NUDT5: variants seen among roughly 807,000 people sequenced by gnomAD.
NUDT5 encodes nudix hydrolase 5.
NUDT5 carries 21 observed loss-of-function variants against 34.1 expected under a neutral mutation model. The observed-to-expected ratio is 0.62, with a 90% CI of 0.44 to 0.89. The LOEUF is 0.89. NUDT5 is among the 40% of genes least tolerant of loss of function. NUDT5 has a pLI of 0.00. For missense variants in NUDT5, 249 were observed against 274.8 expected (o/e 0.91, Z 0.66); for synonymous variants, 85 against 97.6 (o/e 0.87, Z 0.76).
Position 12,172,779 on chromosome 10 carries a change from G to C in NUDT5, c.473C>G (p.Pro158Arg), listed in dbSNP as rs1302940524. 1.2e-6 allele frequency: 2 copies of C among 1,613,892 alleles called. No homozygotes were observed. Among genetic ancestry groups the C allele is most frequent in the South Asian group, 1.1e-5 (1 of 91,076 alleles). Residue 158 changes from proline to arginine, a missense_variant, in exon 7 of 10, where the codon CCG becomes CGG. Physicochemically the swap from Pro to Arg is moderately radical, Grantham distance 103 (BLOSUM62 -2). Transcript: ENST00000491614. ...CACACACATACCTGGCTTTGGCTTC[G>C]GCCTTGCGTTTTCGGCATCATCTCC... is the stretch of plus-strand genomic sequence containing the variant. ...INGDDAENAR[P>R]KPKPGDGEFV...
rs777853231 is a variant in NUDT5 at position 12,170,702 on chromosome 10, C to A, written c.550+15G>T. The stretch of plus-strand genomic sequence containing the variant: ...AGAACTGGAGAAACTGGGTGGCGGT[C>A]TGGAGAATGCTTACCATCAAGTCTC... On this transcript the variant is annotated intron_variant, in intron 9 of 9. Transcript: ENST00000491614. The surrounding 1 kb of genome is among the most constrained non-coding windows in gnomAD (Gnocchi z 4.9). 1 of 1,612,798 alleles carries A rather than the reference C, an allele frequency of 6.2e-7. No homozygotes were observed. Among genetic ancestry groups the A allele is most frequent in the African/African-American group, 1.3e-5 (1 of 75,028 alleles).
At position 12,165,473 on chromosome 10, in the gene NUDT5, AAAGTCAAAT is replaced by A; in HGVS notation, c.*2220_*2228del. 1.8e-6 allele frequency: 1 copy of A among 551,700 alleles called. No individual in the cohort carries two copies. Among genetic ancestry groups the A allele is most frequent in the Non-Finnish European group, 2.3e-6 (1 of 434,096 alleles). The allele number at this position is 551,700 out of a possible 1,614,324, so 34.2% of individuals were successfully genotyped here. On this transcript the variant is annotated 3_prime_UTR_variant, in exon 10 of 10. Coordinates refer to ENST00000491614, the MANE Select transcript of NUDT5 (RefSeq NM_014142.4). ...AGAAGTCCACCCTGAGATGCCTGTAAAAGTCAAATGTAATTACACTTCAAACTTTAATCC... is the reference window on the plus strand; with the variant it reads ...AGAAGTCCACCCTGAGATGCCTGTAAGTAATTACACTTCAAACTTTAATCC...
intron 1 of NUDT5, among the ~76,000 whole-genome samples, chr10:12,192,996 A>G (rs1202174546): frequency 1.0e-5 from 1 of 98,428 alleles, no homozygotes; most frequent in African/African-American, 4.2e-5. Context: ...GGGAGTAATT[A>G]ACGTTTACTG....
Position 12,172,848 on chromosome 10 carries a change from C to T in NUDT5, c.404G>A (p.Gly135Asp), listed in dbSNP as rs1253288868. The change falls in exon 7 of 10, where the codon GGC (glycine) becomes GAC (aspartate). Residue 135 changes from glycine to aspartate, a missense_variant. Transcript: ENST00000491614. ...GATGTGTATAGTACAGTTTGACAAG[C>T]CTGGGTCCATACAGACCGCTGTGGA... ...ECSPAVCMDP[G>D]LSNCTIHIVT... is the part of the protein sequence containing the mutation. 3 of 1,614,114 alleles carry T rather than the reference C, an allele frequency of 1.9e-6. No individual in the cohort carries two copies. Among genetic ancestry groups the T allele is most frequent in the East Asian group, 2.2e-5 (1 of 44,890 alleles).
rs1225344821 is a variant in NUDT5, at chr10:12,167,348, G to A, written c.*354C>T. 1 of 186,476 alleles carries A rather than the reference G, an allele frequency of 5.4e-6. No homozygotes were observed. Among genetic ancestry groups the A allele is most frequent in the Non-Finnish European group, 1.1e-5 (1 of 88,624 alleles). The allele number at this position is 186,476 out of a possible 1,614,324, so 11.6% of individuals were successfully genotyped here. ...AATTTTATATTGGGGGTTGAGAGTGGAAATGACCTAATTGAGAACTCAGGT... is the reference window on the plus strand; with the variant it reads ...AATTTTATATTGGGGGTTGAGAGTGAAAATGACCTAATTGAGAACTCAGGT... On this transcript the variant is annotated 3_prime_UTR_variant, in exon 10 of 10. Coordinates refer to ENST00000491614, the MANE Select transcript of NUDT5 (RefSeq NM_014142.4).
At chr10:12,178,022 T>C in intron 4 of NUDT5, 122 bp from the exon 5 acceptor site, 2 of 607,106 alleles carry the variant, frequency 3.3e-6, no homozygotes, top group South Asian at 4.2e-5. Flanking sequence ...TCTACAATAC[T>C]GGCAGTTAAT....
rs892916902 is a variant in NUDT5, at chr10:12,175,312, C to T, written c.290-1499G>A. On this transcript the variant is annotated intron_variant, in intron 5 of 9. Coordinates refer to ENST00000491614, the MANE Select transcript of NUDT5 (RefSeq NM_014142.4). This position sits in a 1 kb window ranked among gnomAD's most constrained non-coding sequence, Gnocchi z 4.8. ...TCTAGCTTGGGCAACAAAAGTGAAA[C>T]TGCATCTCAAAAAATAAATAAATAA... Among the ~76,000 whole-genome samples, 1 of 150,904 alleles carries T rather than the reference C, an allele frequency of 6.6e-6. No individual in the cohort carries two copies. Among genetic ancestry groups the T allele is most frequent in the African/African-American group, 2.4e-5 (1 of 40,926 alleles).
At position 12,173,906 on chromosome 10, in the gene NUDT5, G is replaced by A. The variant is rs1462280163; in HGVS notation, c.290-93C>T. On this transcript the variant is annotated intron_variant, in intron 5 of 9. Coordinates refer to ENST00000491614, the MANE Select transcript of NUDT5 (RefSeq NM_014142.4). The surrounding 1 kb of genome is among the most constrained non-coding windows in gnomAD (Gnocchi z 4.7). Reference sequence around the variant, plus strand: ...TTTTGAGATGGAGTCTCACTCTGTCGCCCAGGCTGGAGTGCAGTGGTGCGA... The same window carrying A: ...TTTTGAGATGGAGTCTCACTCTGTCACCCAGGCTGGAGTGCAGTGGTGCGA... The A allele has an allele frequency of 1.7e-5, 16 of 920,366 alleles. No individual in the cohort carries two copies. Among genetic ancestry groups the A allele is most frequent in the Non-Finnish European group, 2.5e-5 (14 of 567,510 alleles). 57.0% of individuals were successfully genotyped at this position (920,366 alleles called of 1,614,324 possible).
chr10:12,172,221 ATAT>A (rs979199492), intron 7 of NUDT5, among the ~76,000 whole-genome samples: 4 of 152,174 alleles, frequency 2.6e-5, no homozygotes, highest in African/African-American at 7.2e-5. Context: ...TTGCTAAGAA[ATAT>A]TATAGAGCAA....
Position 12,168,442 on chromosome 10 carries a change from A to G in NUDT5, c.551-631T>C, listed in dbSNP as rs541112941. 2.1e-3 allele frequency among the ~76,000 whole-genome samples: 325 copies of G among 152,328 alleles called. No homozygotes were observed. Among genetic ancestry groups the G allele is most frequent in the African/African-American group, 7.5e-3 (313 of 41,582 alleles). On this transcript the variant is annotated intron_variant, in intron 9 of 9. Transcript: ENST00000491614. This position sits in a 1 kb window ranked among gnomAD's most constrained non-coding sequence, Gnocchi z 4.8. ...TGAAACCAGATGGTGATGATTATGT[A>G]GGATCTTAGGGATTCCATCTTTTCT...
intron 5 of NUDT5, among the ~76,000 whole-genome samples, chr10:12,174,692 G>A (rs922887103): frequency 2.0e-5 from 3 of 152,212 alleles, no homozygotes; most frequent in South Asian, 2.1e-4. Flanking sequence ...GAGCCTTCAC[G>A]ACCATCTCCA....
rs924329414 is a variant in NUDT5, at chr10:12,181,841, T to TA, written c.132-2710dup. 4.0e-5 allele frequency among the ~76,000 whole-genome samples: 6 copies of TA among 150,738 alleles called. No individual in the cohort carries two copies. Among genetic ancestry groups the TA allele is most frequent in the East Asian group, 1.9e-4 (1 of 5,144 alleles). ...TAAAAAAATAAAAATTAAATAAATT[T>TA]AAAAAAAAAGGATATGGCCGGATGC... On this transcript the variant is annotated intron_variant, in intron 3 of 9. Coordinates refer to ENST00000491614, the MANE Select transcript of NUDT5 (RefSeq NM_014142.4). This position sits in a 1 kb window ranked among gnomAD's most constrained non-coding sequence, Gnocchi z 5.0.
At chr10:12,174,178 C>G (rs1289634218) in intron 5 of NUDT5, among the ~76,000 whole-genome samples, 1 of 150,166 alleles carries the variant, frequency 6.7e-6, no homozygotes, top group Non-Finnish European at 1.5e-5. Context: ...ACCCCTCATT[C>G]TTGTAACACA....
At position 12,167,786 on chromosome 10, in the gene NUDT5, T is replaced by C. The variant is rs183326588; in HGVS notation, c.576A>G (p.Thr192=). ...LDALVAEEHL[T]VDARVYSYAL... ...CGTAGGAATAGACCCTGGCGTCCAC[T>C]GTGAGATGTTCTTCAGCTACCAGAG... Residue 192 remains threonine, a synonymous_variant, in exon 10 of 10, where the codon ACA becomes ACG. Transcript: ENST00000491614. The C allele has an allele frequency of 5.0e-5, 81 of 1,614,174 alleles. 1 individual carries two copies. The highest frequency in any genetic ancestry group is 4.5e-4 in the Admixed American group (27 of 60,016).
Position 12,166,886 on chromosome 10 carries a change from TG to T in NUDT5, c.*815del. On this transcript the variant is annotated 3_prime_UTR_variant, in exon 10 of 10. Transcript: ENST00000491614. ...CTTCTTGCTGTGAACTACTCTGTAT[TG>T]GGTTTCAGGTACTGGCTGATCTTGC... 2.8e-6 allele frequency: 1 copy of T among 354,880 alleles called. No individual in the cohort carries two copies. Among genetic ancestry groups the T allele is most frequent in the South Asian group, 2.2e-5 (1 of 44,606 alleles). 22.0% of individuals were successfully genotyped at this position (354,880 alleles called of 1,614,324 possible).
Position 12,168,873 on chromosome 10 carries a change from C to T in NUDT5, c.551-1062G>A, listed in dbSNP as rs1237941236. On this transcript the variant is annotated intron_variant, in intron 9 of 9. Coordinates refer to ENST00000491614, the MANE Select transcript of NUDT5 (RefSeq NM_014142.4). This position sits in a 1 kb window ranked among gnomAD's most constrained non-coding sequence, Gnocchi z 4.8. ...CGCCTCCCGGGTTCAAGCGATTCTCCTGCCCCAGCCTCCTGAGTAGCTGGG... is the reference window on the plus strand; with the variant it reads ...CGCCTCCCGGGTTCAAGCGATTCTCTTGCCCCAGCCTCCTGAGTAGCTGGG... 1.3e-5 allele frequency among the ~76,000 whole-genome samples: 2 copies of T among 152,114 alleles called. No individual in the cohort carries two copies. Among genetic ancestry groups the T allele is most frequent in the Non-Finnish European group, 2.9e-5 (2 of 68,022 alleles).
intron 1 of NUDT5, among the ~76,000 whole-genome samples, chr10:12,194,609 T>C (rs547208915): frequency 2.0e-5 from 3 of 152,362 alleles, no homozygotes; most frequent in African/African-American, 7.2e-5. Context: ...AGTAACATTT[T>C]TGAGAAAAAC....
In NUDT5 at chr10:12,167,770, A is replaced by G. The variant is rs1476952892; in HGVS notation, c.592T>C (p.Tyr198His). The G allele has an allele frequency of 1.1e-5, 18 of 1,614,210 alleles. No homozygotes were observed. Among genetic ancestry groups the G allele is most frequent in the Non-Finnish European group, 1.5e-5 (18 of 1,180,026 alleles). ...EEHLTVDARVYSYALALKHAN... is the reference protein window; with the variant it reads ...EEHLTVDARVHSYALALKHAN... ...TGTTTCAGTGCTAGAGCGTAGGAATAGACCCTGGCGTCCACTGTGAGATGT... is the reference window on the plus strand; with the variant it reads ...TGTTTCAGTGCTAGAGCGTAGGAATGGACCCTGGCGTCCACTGTGAGATGT... The change falls in exon 10 of 10, where the codon TAT becomes CAT. Residue 198 changes from tyrosine (Y) to histidine (H), a missense_variant. Transcript: ENST00000491614.
chr10:12,185,289 C>T (rs1564426397), intron 2 of NUDT5, among the ~76,000 whole-genome samples: 1 of 152,090 alleles, frequency 6.6e-6, no homozygotes. Context: ...TGTCCTGGGA[C>T]GCTCCTGATG....
Sources: gnomAD v4.1 joint callset for allele counts (sites outside exome capture counted in the v4.1 genomes callset) on GRCh38, gnomAD v4.1.1 for gene constraint, Gnocchi (gnomAD v3.1) non-coding constraint, MANE v1.5 for transcripts, NCBI Gene and HGNC (gene_info 2026-07-23, HGNC 2026-07-21) for gene names.